Variants in FGF12 observed in about 807,000 individuals in gnomAD.
The protein encoded by FGF12 is fibroblast growth factor 12B.
FGF12 carries 14 observed loss-of-function variants against 23.6 expected under a neutral mutation model. The observed-to-expected ratio is 0.59, with a 90% confidence interval of 0.39 to 0.93. The LOEUF is 0.93. Ranked by LOEUF, FGF12 falls within the 40% of genes least tolerant of loss-of-function variation. The pLI is 0.00. For synonymous variants in FGF12, 62 were observed against 77.3 expected (o/e 0.80, Z 1.04); for missense variants, 175 against 217.8 (o/e 0.80, Z 1.24).
chr3:192,623,505 C>T (rs1715050722), intron 2 of FGF12, among the ~76,000 whole-genome samples: 1 of 152,112 alleles, frequency 6.6e-6, no homozygotes, highest in African/African-American at 2.4e-5. Context: ...TGCGATTGCT[C>T]TTTTGTTTTG....
At chr3:192,483,406 A>G (rs1723536238) in intron 2 of FGF12, among the ~76,000 whole-genome samples, 1 of 152,158 alleles carries the variant, frequency 6.6e-6, no homozygotes, top group African/African-American at 2.4e-5. Context: ...ATGAAAACGT[A>G]TTATACAACA....
chr3:192,201,224 T>C (rs899236263), intron 4 of FGF12, among the ~76,000 whole-genome samples: 3 of 152,172 alleles, frequency 2.0e-5, no homozygotes, highest in Non-Finnish European at 4.4e-5. Flanking sequence ...CTTTCTTGAT[T>C]GATCTCTTTA....
intron 2 of FGF12, among the ~76,000 whole-genome samples, chr3:192,576,823 T>C (rs1401450176): frequency 2.0e-5 from 3 of 152,244 alleles, no homozygotes; most frequent in Middle Eastern, 3.4e-3. Flanking sequence ...CCATCAGTGA[T>C]AGACTGGACA....
chr3:192,630,402 T>C (rs182462476), intron 2 of FGF12, among the ~76,000 whole-genome samples: 1 of 151,884 alleles, frequency 6.6e-6, no homozygotes, highest in Non-Finnish European at 1.5e-5. Flanking sequence ...TATAGAGAAA[T>C]GCTTTCATTT....
chr3:192,473,393 G>A (rs1299258830), intron 2 of FGF12, among the ~76,000 whole-genome samples: 1 of 152,122 alleles, frequency 6.6e-6, no homozygotes, highest in Non-Finnish European at 1.5e-5. Context: ...GGTTATTATG[G>A]GGTAACTAAA....
intron 4 of FGF12, among the ~76,000 whole-genome samples, chr3:192,324,425 T>C (rs1716711021): frequency 6.6e-6 from 1 of 152,166 alleles, no homozygotes; most frequent in Non-Finnish European, 1.5e-5. Flanking sequence ...TTTTAAAATA[T>C]ATCTACTGCT....
intron 2 of FGF12, among the ~76,000 whole-genome samples, chr3:192,371,209 C>A (rs1487390793): frequency 1.3e-5 from 2 of 152,080 alleles, no homozygotes; most frequent in Non-Finnish European, 2.9e-5. Flanking sequence ...GCCAGACAAG[C>A]CATTCAGGAT....
intron 2 of FGF12, among the ~76,000 whole-genome samples, chr3:192,582,386 C>T (rs1036106747): frequency 2.0e-5 from 3 of 152,072 alleles, no homozygotes; most frequent in East Asian, 1.9e-4. Context: ...ATCTTTATCA[C>T]GTTCACTCAT....
chr3:192,251,608 T>G, intron 4 of FGF12, among the ~76,000 whole-genome samples: 1 of 151,680 alleles, frequency 6.6e-6, no homozygotes. Context: ...ATCAGGAGAA[T>G]GGGTAAAGAA....
intron 2 of FGF12, among the ~76,000 whole-genome samples, chr3:192,381,439 G>A (rs1719807810): frequency 1.3e-5 from 2 of 152,164 alleles, no homozygotes; most frequent in Admixed American, 1.3e-4. Flanking sequence ...ACCACGCCAA[G>A]GAACACAACT....
chr3:192,541,970 T>C (rs1725376972), intron 2 of FGF12, among the ~76,000 whole-genome samples: 1 of 152,016 alleles, frequency 6.6e-6, no homozygotes. Context: ...ATCTTTGACG[T>C]TGGGGGCCTC....
At chr3:192,465,600 CT>C (rs140761961) in intron 2 of FGF12, among the ~76,000 whole-genome samples, 3,723 of 152,238 alleles carry the variant, frequency 0.024, 179 homozygotes, top group African/African-American at 0.084. Context: ...AGATGGTTTG[CT>C]GTGCACAGAC....
intron 2 of FGF12, among the ~76,000 whole-genome samples, chr3:192,490,412 T>C (rs1723764802): frequency 6.6e-6 from 1 of 152,140 alleles, no homozygotes; most frequent in African/African-American, 2.4e-5. Flanking sequence ...TGCATATATA[T>C]GTTTATATTA....
At chr3:192,318,886 C>G (rs529377490) in intron 4 of FGF12, among the ~76,000 whole-genome samples, 1 of 152,184 alleles carries the variant, frequency 6.6e-6, no homozygotes, top group South Asian at 2.1e-4. Flanking sequence ...TCCCACACAT[C>G]TGGCAGCAGA....
chr3:192,721,868 A>G (rs1719049046), intron 2 of FGF12, among the ~76,000 whole-genome samples: 2 of 152,220 alleles, frequency 1.3e-5, no homozygotes, highest in African/African-American at 4.8e-5. Flanking sequence ...TTGCTGTGGA[A>G]TGTTAAGTGC....
intron 2 of FGF12, among the ~76,000 whole-genome samples, chr3:192,536,526 G>A (rs373759994): frequency 6.6e-6 from 1 of 151,902 alleles, no homozygotes; most frequent in African/African-American, 2.4e-5. Flanking sequence ...ATTTTACAGG[G>A]CAATACAACT....
At chr3:192,329,191 A>T (rs1716982259) in intron 4 of FGF12, among the ~76,000 whole-genome samples, 1 of 152,148 alleles carries the variant, frequency 6.6e-6, no homozygotes, top group African/African-American at 2.4e-5. Flanking sequence ...GCAAAATAAA[A>T]GTCAAGTGCT....
chr3:192,309,142 TA>T (rs1715807271), intron 4 of FGF12, among the ~76,000 whole-genome samples: 1 of 152,046 alleles, frequency 6.6e-6, no homozygotes, highest in Non-Finnish European at 1.5e-5. Context: ...AAATTGACTA[TA>T]AAAAATAACA....
chr3:192,562,585 C>T (rs895327312), intron 2 of FGF12, among the ~76,000 whole-genome samples: 6 of 151,952 alleles, frequency 3.9e-5, no homozygotes, highest in South Asian at 2.1e-4. Context: ...GCCATCTTGT[C>T]GCCATGGGAC....
Sources: gnomAD v4.1 joint callset for allele counts (sites outside exome capture counted in the v4.1 genomes callset) on GRCh38, gnomAD v4.1.1 for gene constraint, MANE v1.5 for transcripts, NCBI Gene and HGNC (gene_info 2026-07-23, HGNC 2026-07-21) for gene names.